The following ZFHX3 variants were observed in gnomAD, a reference collection of about 807,000 sequenced individuals.
The protein encoded by ZFHX3 is zinc finger homeobox protein 3.
ZFHX3 carries 42 observed loss-of-function variants against 279.1 expected under a neutral mutation model. The ratio of observed to expected loss-of-function variants is 0.15; its 90% CI spans 0.12 to 0.19. ZFHX3 has a LOEUF of 0.19. Among genes scored for constraint, ZFHX3 ranks in the 10% least tolerant of loss-of-function variants. The probability of loss-of-function intolerance (pLI) is 1.00; values close to 1 mark genes in which losing one functional copy is unlikely to be tolerated. For synonymous variants in ZFHX3, 2,293 were observed against 1,957.8 expected (o/e 1.17, Z -4.52); for missense variants, 4,981 against 4,754.0 (o/e 1.05, Z -1.40).
intron 2 of ZFHX3, among the ~76,000 whole-genome samples, chr16:73,676,075 T>G (rs1435745165): frequency 1.3e-5 from 2 of 151,874 alleles, no homozygotes; most frequent in Non-Finnish European, 2.9e-5. Context: ...TAAAAATAAC[T>G]AAGAACTCAA....
intron 1 of ZFHX3, among the ~76,000 whole-genome samples, chr16:73,035,944 C>T (rs948525168): frequency 6.6e-6 from 1 of 152,198 alleles, no homozygotes; most frequent in Non-Finnish European, 1.5e-5. Flanking sequence ...TGGTTTAATA[C>T]CAGGACTACC....
chr16:73,577,988 A>T (rs534996547), intron 2 of ZFHX3, among the ~76,000 whole-genome samples: 14 of 152,356 alleles, frequency 9.2e-5, no homozygotes, highest in African/African-American at 3.1e-4. Flanking sequence ...GAGCTTGCTG[A>T]CTGACGTCAA....
chr16:73,801,791 C>G (rs1388059799), intron 1 of ZFHX3, among the ~76,000 whole-genome samples: 5 of 152,166 alleles, frequency 3.3e-5, no homozygotes, highest in Non-Finnish European at 2.9e-5. Context: ...GCTGTGTCTA[C>G]AGTTGTCCCG....
intron 2 of ZFHX3, among the ~76,000 whole-genome samples, chr16:73,512,735 GAGA>G (rs547798771): frequency 7.2e-4 from 110 of 152,332 alleles, no homozygotes; most frequent in Non-Finnish European, 1.5e-3. Context: ...AAACAGGCAA[GAGA>G]AGAAGAACTG....
intron 2 of ZFHX3, among the ~76,000 whole-genome samples, chr16:73,456,570 G>A (rs2018375694): frequency 6.6e-6 from 1 of 152,228 alleles, no homozygotes; most frequent in African/African-American, 2.4e-5. Flanking sequence ...ACTATGTTCT[G>A]ATAGGCAAGA....
chr16:73,854,600 C>G (rs9921133), intron 1 of ZFHX3, among the ~76,000 whole-genome samples: 1 of 151,622 alleles, frequency 6.6e-6, no homozygotes, highest in Non-Finnish European at 1.5e-5. Flanking sequence ...TAGAATTAGA[C>G]TATGAATTGA....
At chr16:73,315,870 GC>G (rs2015434820) in intron 4 of ZFHX3, among the ~76,000 whole-genome samples, 1 of 152,114 alleles carries the variant, frequency 6.6e-6, no homozygotes, top group South Asian at 2.1e-4. Flanking sequence ...TCTATTTTCA[GC>G]CCCCCTGGGA....
At chr16:72,888,899 G>C (rs1472870928) in intron 4 of ZFHX3, among the ~76,000 whole-genome samples, 1 of 152,176 alleles carries the variant, frequency 6.6e-6, no homozygotes, top group Non-Finnish European at 1.5e-5. Flanking sequence ...GTGGGGCCTA[G>C]GATGAAAGGA....
At chr16:72,854,470 G>A (rs1297159903) in intron 4 of ZFHX3, among the ~76,000 whole-genome samples, 1 of 152,124 alleles carries the variant, frequency 6.6e-6, no homozygotes, top group African/African-American at 2.4e-5. Flanking sequence ...AACTCCCTCT[G>A]AGGCCTACAA....
At position 72,950,952 on chromosome 16, in the gene ZFHX3, G is replaced by A. The variant is rs1400378592; in HGVS notation, c.2733C>T (p.Ile911=). 1 of 1,612,452 alleles carries A rather than the reference G, an allele frequency of 6.2e-7. No homozygotes were observed. The highest frequency in any genetic ancestry group is 1.3e-5 in the African/African-American group (1 of 74,898). The change falls in exon 3 of 10, where the codon ATC becomes ATT. Residue 911 remains isoleucine (I), a synonymous_variant. Coordinates refer to ENST00000268489, the MANE Select transcript of ZFHX3 (RefSeq NM_006885.4). ...CGCCCCCGAGCCGCATGTCTAGGGGGATCTCACCGCCCACTGCAGGGAAGG... is the reference window on the plus strand; with the variant it reads ...CGCCCCCGAGCCGCATGTCTAGGGGAATCTCACCGCCCACTGCAGGGAAGG... ...AMTPALVGGE[I]PLDMRLGGGQ...
intron 4 of ZFHX3, among the ~76,000 whole-genome samples, chr16:72,858,152 T>C (rs1567550656): frequency 6.6e-6 from 1 of 152,206 alleles, no homozygotes; most frequent in East Asian, 1.9e-4. Context: ...ACAAGGGCCT[T>C]TCTGGTCAAC....
chr16:73,637,192 G>T (rs2052534452), intron 2 of ZFHX3, among the ~76,000 whole-genome samples: 1 of 151,134 alleles, frequency 6.6e-6, no homozygotes, highest in South Asian at 2.1e-4. Flanking sequence ...CAGACTAATT[G>T]GGAGAAAATG....
intron 1 of ZFHX3, among the ~76,000 whole-genome samples, chr16:73,738,464 T>C (rs1402468178): frequency 6.6e-6 from 1 of 152,212 alleles, no homozygotes; most frequent in Non-Finnish European, 1.5e-5. Context: ...TAACATGGCT[T>C]TCCATTAGAC....
At chr16:73,618,739 G>T (rs774844906) in intron 2 of ZFHX3, among the ~76,000 whole-genome samples, 37 of 152,302 alleles carry the variant, frequency 2.4e-4, no homozygotes, top group Non-Finnish European at 4.3e-4. Context: ...TGAAGGTGAA[G>T]CAGTGCACCT....
intron 1 of ZFHX3, among the ~76,000 whole-genome samples, chr16:73,794,553 T>C (rs557977313): frequency 6.6e-6 from 1 of 152,268 alleles, no homozygotes; most frequent in East Asian, 1.9e-4. Context: ...GACTGTGCTT[T>C]ATAACCATGA....
chr16:73,551,216 T>C (rs2020198569), intron 2 of ZFHX3, among the ~76,000 whole-genome samples: 1 of 152,170 alleles, frequency 6.6e-6, no homozygotes, highest in Non-Finnish European at 1.5e-5. Flanking sequence ...GAGAATTAAC[T>C]GATATTGCAT....
intron 1 of ZFHX3, among the ~76,000 whole-genome samples, chr16:73,874,307 A>G (rs2142404734): frequency 6.6e-6 from 1 of 152,184 alleles, no homozygotes; most frequent in East Asian, 1.9e-4. Context: ...GTAAGAAAAA[A>G]AATTATACGG....
intron 5 of ZFHX3, among the ~76,000 whole-genome samples, chr16:73,208,081 AT>A (rs2011874360): frequency 6.6e-6 from 1 of 152,176 alleles, no homozygotes; most frequent in African/African-American, 2.4e-5. Flanking sequence ...GGATGGTTCC[AT>A]TTTTGAGAAA....
chr16:73,446,027 A>C (rs927252635), intron 3 of ZFHX3, among the ~76,000 whole-genome samples: 12 of 152,208 alleles, frequency 7.9e-5, no homozygotes, highest in Non-Finnish European at 2.9e-5. Flanking sequence ...CTTACAAATA[A>C]ATGAATTTTA....
Sources: allele counts gnomAD v4.1 joint callset (sites outside exome capture counted in the v4.1 genomes callset), GRCh38; gene constraint gnomAD v4.1.1; transcripts MANE v1.5; gene names NCBI Gene and HGNC (gene_info 2026-07-23, HGNC 2026-07-21).